CSNK1G1: variants seen among roughly 807,000 people sequenced by gnomAD.
CSNK1G1 encodes casein kinase 1 gamma 1, also known as casein kinase I isoform gamma-1.
In CSNK1G1, 22 loss-of-function variants were observed where a neutral mutation model predicts 59.6. The observed-to-expected ratio is 0.37, with a 90% confidence interval of 0.26 to 0.53. The LOEUF (loss-of-function observed/expected upper bound fraction) is 0.53. CSNK1G1 is among the 20% of genes least tolerant of loss of function. The pLI is 0.89. For missense variants in CSNK1G1, 384 were observed against 519.5 expected (o/e 0.74, Z 2.54); for synonymous variants, 179 against 177.1 (o/e 1.01, Z -0.08).
In CSNK1G1 at chr15:64,298,796, C is replaced by T. The variant is rs546941268; in HGVS notation, c.181+1523G>A. Among the ~76,000 whole-genome samples, 246 of 151,068 alleles carry T rather than the reference C, an allele frequency of 1.6e-3. 1 individual carries two copies. Among genetic ancestry groups the T allele is most frequent in the Middle Eastern group, 0.01 (3 of 294 alleles). ...CTGTAATCCCAGCACTTTGGGAGGC[C>T]GAGGCGGGTGGATCACTTGAGGCCA... On this transcript the variant is annotated intron_variant, in intron 2 of 11. Coordinates refer to ENST00000303052, the MANE Select transcript of CSNK1G1 (RefSeq NM_022048.5).
At chr15:64,283,082 C>T (rs959049985) in intron 2 of CSNK1G1, among the ~76,000 whole-genome samples, 7 of 152,042 alleles carry the variant, frequency 4.6e-5, no homozygotes, top group Non-Finnish European at 1.0e-4. Flanking sequence ...GTGATGGGTG[C>T]ACCAAAATCT....
At chr15:64,295,671 C>A (rs1023288123) in intron 2 of CSNK1G1, among the ~76,000 whole-genome samples, 19 of 152,144 alleles carry the variant, frequency 1.2e-4, no homozygotes, top group African/African-American at 3.9e-4. Flanking sequence ...GAATAAAGTA[C>A]AACATGATAA....
intron 2 of CSNK1G1, chr15:64,265,818 G>GC (rs1445529887): frequency 2.2e-6 from 1 of 456,484 alleles, no homozygotes; most frequent in Admixed American, 2.4e-5. Context: ...AGTGGCTTAT[G>GC]CCTATTACTG....
At chr15:64,233,430 G>A (rs992245031) in intron 4 of CSNK1G1, among the ~76,000 whole-genome samples, 23 of 151,812 alleles carry the variant, frequency 1.5e-4, no homozygotes, top group Non-Finnish European at 3.1e-4. Context: ...GTAATTAAAG[G>A]CAATTACTCT....
chr15:64,217,545 C>T (rs893518857), intron 4 of CSNK1G1, among the ~76,000 whole-genome samples: 3 of 152,056 alleles, frequency 2.0e-5, no homozygotes, highest in East Asian at 1.9e-4. Context: ...AGACGCCAGG[C>T]GCAGTGGCTC....
chr15:64,310,394 AAAG>A (rs1895927173), intron 1 of CSNK1G1, among the ~76,000 whole-genome samples: 1 of 152,016 alleles, frequency 6.6e-6, no homozygotes, highest in African/African-American at 2.4e-5. Flanking sequence ...TACTGCAAGA[AAAG>A]AAGATTTAAA....
intron 10 of CSNK1G1, among the ~76,000 whole-genome samples, chr15:64,199,853 A>AAAAT (rs903126834): frequency 4.6e-5 from 7 of 152,166 alleles, no homozygotes; most frequent in Non-Finnish European, 7.3e-5. Context: ...ACTCCATCTC[A>AAAAT]AAATAAATAA....
chr15:64,285,791 A>ACAGAAAAACT (rs1323282401), intron 2 of CSNK1G1, among the ~76,000 whole-genome samples: 1 of 152,178 alleles, frequency 6.6e-6, no homozygotes, highest in Non-Finnish European at 1.5e-5. Context: ...TTCTAAAAGC[A>ACAGAAAAACT]CAGAAAAACT....
rs866975859 is a variant in CSNK1G1, at chr15:64,188,333, A to G, written c.1108-7879T>C. The G allele has an allele frequency of 2.8e-6, 4 of 1,444,946 alleles. No homozygotes were observed. In the Middle Eastern group the frequency reaches 5.2e-4, roughly 187 times the overall value. 89.5% of individuals were successfully genotyped at this position (1,444,946 alleles called of 1,614,324 possible). ...GAAGCAAGCCAACATTCCACCAGCC[A>G]AGCTGGAAAGGCCAGGAAAAGGCAA... On this transcript the variant is annotated intron_variant, in intron 10 of 11. Coordinates refer to ENST00000303052, the MANE Select transcript of CSNK1G1 (RefSeq NM_022048.5). The surrounding 1 kb of genome is among the most constrained non-coding windows in gnomAD (Gnocchi z 4.2).
intron 4 of CSNK1G1, among the ~76,000 whole-genome samples, chr15:64,221,024 T>C (rs1024569269): frequency 2.6e-5 from 4 of 152,214 alleles, no homozygotes; most frequent in African/African-American, 4.8e-5. Flanking sequence ...CATGCTAATG[T>C]TGGACTTTTC....
At chr15:64,252,341 G>C (rs1892132821) in intron 3 of CSNK1G1, among the ~76,000 whole-genome samples, 2 of 151,832 alleles carry the variant, frequency 1.3e-5, no homozygotes, top group South Asian at 4.2e-4. Flanking sequence ...CTCCCGAGTG[G>C]CTGGGACCAC....
intron 1 of CSNK1G1, among the ~76,000 whole-genome samples, chr15:64,313,598 TG>T (rs1244849888): frequency 1.3e-5 from 2 of 151,890 alleles, no homozygotes; most frequent in East Asian, 3.9e-4. Flanking sequence ...TGGGGCCTGT[TG>T]GGGGGTGTGG....
chr15:64,281,474 G>C (rs1297140645), intron 2 of CSNK1G1, among the ~76,000 whole-genome samples: 2 of 152,142 alleles, frequency 1.3e-5, no homozygotes, highest in African/African-American at 4.8e-5. Context: ...AGAAAGTAGA[G>C]TGGTAGTTAC....
rs1195074215 is a variant in CSNK1G1 at position 64,166,167 on chromosome 15, AC to A, written c.*5763del. 1 of 495,290 alleles carries A rather than the reference AC, an allele frequency of 2.0e-6. No individual in the cohort carries two copies. Among genetic ancestry groups the A allele is most frequent in the East Asian group, 3.2e-5 (1 of 31,022 alleles). The allele number at this position is 495,290 out of a possible 1,614,324, so 30.7% of individuals were successfully genotyped here. A position where few individuals can be genotyped will look rare whatever the true frequency, so the allele number is the denominator to read the frequency against. On this transcript the variant is annotated 3_prime_UTR_variant, in exon 12 of 12. Transcript: ENST00000303052. This position sits in a 1 kb window ranked among gnomAD's most constrained non-coding sequence, Gnocchi z 4.5. ...AAACTGATTTCCACTGCTGATTTAT[AC>A]ATTATCTAGTTGTTTAAAAATCGCA...
At chr15:64,262,298 C>G (rs1566924290) in intron 2 of CSNK1G1, among the ~76,000 whole-genome samples, 2 of 152,186 alleles carry the variant, frequency 1.3e-5, no homozygotes, top group African/African-American at 4.8e-5. Flanking sequence ...AGTGTTAAAA[C>G]AGAAATACAA....
At chr15:64,312,695 G>T (rs1896058924) in intron 1 of CSNK1G1, among the ~76,000 whole-genome samples, 1 of 152,102 alleles carries the variant, frequency 6.6e-6, no homozygotes, top group Non-Finnish European at 1.5e-5. Context: ...ATAGGCATGG[G>T]CAAAGACTTC....
At chr15:64,217,097 T>C (rs2082321467) in intron 4 of CSNK1G1, among the ~76,000 whole-genome samples, 1 of 152,242 alleles carries the variant, frequency 6.6e-6, no homozygotes, top group Admixed American at 6.5e-5. Flanking sequence ...CATAACTTGT[T>C]ACATTATCTG....
intron 4 of CSNK1G1, among the ~76,000 whole-genome samples, chr15:64,234,882 G>A (rs927335684): frequency 6.6e-6 from 1 of 152,054 alleles, no homozygotes; most frequent in Non-Finnish European, 1.5e-5. Context: ...CTTCTTCTTA[G>A]GAATGTGCAG....
intron 4 of CSNK1G1, among the ~76,000 whole-genome samples, chr15:64,250,699 C>T (rs149804578): frequency 1.1e-3 from 162 of 152,092 alleles, no homozygotes; most frequent in Non-Finnish European, 1.9e-3. Context: ...GAGCCGTGAT[C>T]GTGCCACTGC....
Sources: allele counts gnomAD v4.1 joint callset (sites outside exome capture counted in the v4.1 genomes callset), GRCh38; gene constraint gnomAD v4.1.1; non-coding constraint Gnocchi (gnomAD v3.1); transcripts MANE v1.5; gene names NCBI Gene and HGNC (gene_info 2026-07-23, HGNC 2026-07-21).